CDADC1: variants seen among roughly 807,000 people sequenced by gnomAD.
The protein encoded by CDADC1 is dCTP deaminase.
CDADC1 carries 39 observed loss-of-function variants against 54.9 expected under a neutral mutation model. That is an observed-to-expected ratio of 0.71 (90% confidence interval 0.55 to 0.93). CDADC1 has a LOEUF of 0.93. Among genes scored for constraint, CDADC1 ranks in the 40% least tolerant of loss-of-function variants. CDADC1 has a pLI of 0.00. For synonymous variants in CDADC1, 186 were observed against 204.0 expected, an observed-to-expected ratio of 0.91 and a Z score of 0.75; for missense variants, 518 against 618.8, an observed-to-expected ratio of 0.84 and a Z score of 1.73.
intron 2 of CDADC1, among the ~76,000 whole-genome samples, chr13:49,255,312 G>A (rs1174239659): frequency 2.6e-5 from 4 of 152,282 alleles, no homozygotes; most frequent in African/African-American, 9.6e-5. Flanking sequence ...CCTATGTCAA[G>A]GTAGGTGGTT....
At chr13:49,268,729 A>C (rs1003507920) in intron 5 of CDADC1, among the ~76,000 whole-genome samples, 2 of 152,230 alleles carry the variant, frequency 1.3e-5, no homozygotes, top group Non-Finnish European at 1.5e-5. Context: ...ATTTTGATGT[A>C]CTGAATATTT....
chr13:49,261,392 C>T (rs951183207), intron 4 of CDADC1, among the ~76,000 whole-genome samples: 1 of 152,202 alleles, frequency 6.6e-6, no homozygotes, highest in African/African-American at 2.4e-5. Context: ...GTGGTGGTGG[C>T]ATTTTTTTCA....
chr13:49,280,813 T>G, intron 8 of CDADC1, 115 bp downstream of exon 8: 1 of 218,636 alleles, frequency 4.6e-6, no homozygotes, highest in Non-Finnish European at 8.6e-6. Context: ...CAAATTATTA[T>G]TATTATTATT....
intron 2 of CDADC1, among the ~76,000 whole-genome samples, chr13:49,253,135 C>T (rs1215966434): frequency 2.6e-5 from 4 of 152,080 alleles, no homozygotes; most frequent in African/African-American, 9.7e-5. Context: ...TACCAAGATG[C>T]AATTAGACAT....
At chr13:49,286,305 G>A in intron 9 of CDADC1, 23 bp downstream of exon 9, 1 of 1,562,362 alleles carries the variant, frequency 6.4e-7, no homozygotes, top group Non-Finnish European at 8.8e-7. Context: ...GTATTGAGGT[G>A]AACTTTGTTG....
intron 5 of CDADC1, among the ~76,000 whole-genome samples, chr13:49,269,981 T>TG (rs1952923027): frequency 6.6e-6 from 1 of 152,216 alleles, no homozygotes; most frequent in Admixed American, 6.5e-5. Flanking sequence ...GGTTAATTGT[T>TG]GGTGATTTTT....
At chr13:49,272,345 C>T (rs1229208734) in intron 5 of CDADC1, among the ~76,000 whole-genome samples, 1 of 152,182 alleles carries the variant, frequency 6.6e-6, no homozygotes, top group Non-Finnish European at 1.5e-5. Flanking sequence ...GATTTGTATT[C>T]TTGCCCACTC....
chr13:49,265,932 T>C (rs1257666949), intron 4 of CDADC1: 1 of 1,302,634 alleles, frequency 7.7e-7, no homozygotes, highest in Admixed American at 2.3e-5. Flanking sequence ...TCACTGCTGG[T>C]TAGGAAATGG....
intron 7 of CDADC1, among the ~76,000 whole-genome samples, chr13:49,279,630 TTATG>T (rs2138251994): frequency 6.6e-6 from 1 of 152,160 alleles, no homozygotes; most frequent in Non-Finnish European, 1.5e-5. Context: ...ACGCTATAGA[TTATG>T]TAGGTAGTAT....
intron 9 of CDADC1, among the ~76,000 whole-genome samples, chr13:49,291,169 G>GGT (rs1953693527): frequency 3.3e-5 from 1 of 30,758 alleles, no homozygotes; most frequent in Non-Finnish European, 1.2e-4. Flanking sequence ...TTCAGTTTTT[G>GGT]GTTTTTTTTT....
chr13:49,280,323 C>T (rs567820080), intron 7 of CDADC1, among the ~76,000 whole-genome samples, 186 bp from the exon 8 acceptor site: 1 of 152,252 alleles, frequency 6.6e-6, no homozygotes, highest in African/African-American at 2.4e-5. Flanking sequence ...TGTATCATAA[C>T]ACTTTTGTGG....
chr13:49,285,516 C>T (rs753753179), intron 8 of CDADC1, among the ~76,000 whole-genome samples: 5 of 152,066 alleles, frequency 3.3e-5, no homozygotes, highest in Non-Finnish European at 5.9e-5. Context: ...TAGGCCTTTT[C>T]TAGCTATTAT....
intron 4 of CDADC1, 145 bp downstream of exon 4, chr13:49,259,668 T>C (rs1404256780): frequency 1.6e-5 from 11 of 689,752 alleles, no homozygotes; most frequent in East Asian, 1.3e-4. Context: ...CTGTGCAACA[T>C]AGGGAGACCT....
At chr13:49,282,236 G>GTAT (rs1953367284) in intron 8 of CDADC1, among the ~76,000 whole-genome samples, 1 of 94,146 alleles carries the variant, frequency 1.1e-5, no homozygotes, top group South Asian at 3.8e-4. Context: ...GTTTTTGTGG[G>GTAT]TTTTTTTTTT....
chr13:49,266,959 G>A (rs1418256535), intron 4 of CDADC1, among the ~76,000 whole-genome samples: 2 of 152,162 alleles, frequency 1.3e-5, no homozygotes, highest in Non-Finnish European at 1.5e-5. Context: ...TATAGTTTTA[G>A]CGCTGGGCTT....
At chr13:49,275,710 TATATATATATATATATAGAGAGAGAG>T (rs1953092140) in intron 6 of CDADC1, among the ~76,000 whole-genome samples, 1 of 97,292 alleles carries the variant, frequency 1.0e-5, no homozygotes, top group East Asian at 3.5e-4. Flanking sequence ...TATATATATA[TATATATATATATATATAGAGAGAGAG>T]AGAGAGAGAG....
At chr13:49,279,397 T>TGGAAG (rs918093127) in intron 7 of CDADC1, among the ~76,000 whole-genome samples, 2 of 151,980 alleles carry the variant, frequency 1.3e-5, no homozygotes, top group Non-Finnish European at 2.9e-5. Flanking sequence ...CTGGGGCAAT[T>TGGAAG]GGAAGGGAAG....
chr13:49,272,838 A>G (rs1229199694), intron 5 of CDADC1, among the ~76,000 whole-genome samples: 2 of 151,760 alleles, frequency 1.3e-5, no homozygotes, highest in African/African-American at 4.8e-5. Flanking sequence ...TTGTATTTTT[A>G]GTAGAGACGG....
At chr13:49,276,429 A>G (rs1847492981) in intron 6 of CDADC1, among the ~76,000 whole-genome samples, 1 of 152,214 alleles carries the variant, frequency 6.6e-6, no homozygotes, top group African/African-American at 2.4e-5. Context: ...TTTAGTAACT[A>G]TATAGCTGAC....
Sources: gnomAD v4.1 joint callset for allele counts (sites outside exome capture counted in the v4.1 genomes callset) on GRCh38, gnomAD v4.1.1 for gene constraint, MANE v1.5 for transcripts, NCBI Gene and HGNC (gene_info 2026-07-23, HGNC 2026-07-21) for gene names.